The following CEP83 variants were observed in gnomAD, a reference collection of about 807,000 sequenced individuals.
CEP83 encodes the protein centrosomal protein 83.
CEP83 carries 70 observed loss-of-function variants against 101.9 expected under a neutral mutation model. The ratio of observed to expected loss-of-function variants is 0.69; its 90% CI spans 0.57 to 0.84. The LOEUF (loss-of-function observed/expected upper bound fraction) is 0.84, where lower values mean the gene tolerates loss of function less well. Ranked by LOEUF, CEP83 falls within the 40% of genes least tolerant of loss-of-function variation. The pLI is 0.00. For missense variants in CEP83, 715 were observed against 787.2 expected (o/e 0.91, Z 1.10); for synonymous variants, 264 against 267.9 (o/e 0.99, Z 0.14).
chr12:94,268,119 GC>G, the CEP83 span, among the ~76,000 whole-genome samples: 3 of 152,146 alleles, frequency 2.0e-5, no homozygotes, highest in African/African-American at 7.2e-5. Context: ...TGGAAAAAAG[GC>G]CCCCACACTC....
chr12:94,376,032 A>G lies in CEP83; in HGVS notation c.802-15T>C, dbSNP rs1017125059. The G allele has an allele frequency of 3.4e-6, 5 of 1,460,906 alleles. No individual in the cohort carries two copies. The highest frequency in any genetic ancestry group is 4.7e-5 in the Admixed American group (2 of 42,520). 90.5% of individuals were successfully genotyped at this position (1,460,906 alleles called of 1,614,324 possible). On this transcript the variant is annotated splice_polypyrimidine_tract_variant and intron_variant, in intron 7 of 16. Transcript: ENST00000397809. The stretch of plus-strand genomic sequence containing the variant: ...TGTTTTTCAGCCTTTCATACAAACA[A>G]AATAGTTTAAAATTCATCATTTTTC...
At chr12:94,378,588 C>A (rs185846003) in intron 7 of CEP83, among the ~76,000 whole-genome samples, 1 of 152,148 alleles carries the variant, frequency 6.6e-6, no homozygotes. Flanking sequence ...AGAATAAATA[C>A]CCCTTTGTAA....
chr12:94,457,611 AAGG>A (rs1368421851), intron 1 of CEP83, among the ~76,000 whole-genome samples: 5 of 152,212 alleles, frequency 3.3e-5, no homozygotes, highest in Admixed American at 6.5e-5. Flanking sequence ...ATATAGAAAA[AAGG>A]AGGAGAGAAC....
At chr12:94,409,019 G>T (rs915701579) in intron 4 of CEP83, among the ~76,000 whole-genome samples, 3 of 151,636 alleles carry the variant, frequency 2.0e-5, no homozygotes, top group Admixed American at 2.0e-4. Flanking sequence ...AAAAGCCAAA[G>T]AGATGACATT....
At chr12:94,428,610 T>C (rs2065385233) in intron 2 of CEP83, among the ~76,000 whole-genome samples, 1 of 152,214 alleles carries the variant, frequency 6.6e-6, no homozygotes, top group African/African-American at 2.4e-5. Flanking sequence ...ATTTTGAATC[T>C]GTCACAAAGC....
chr12:94,269,113 C>T, the CEP83 span, among the ~76,000 whole-genome samples: 4 of 152,098 alleles, frequency 2.6e-5, no homozygotes, highest in African/African-American at 9.7e-5. Context: ...TCGTAGCAAG[C>T]GTGCTGAATT....
chr12:94,290,580 C>G, the CEP83 span, among the ~76,000 whole-genome samples: 1 of 152,218 alleles, frequency 6.6e-6, no homozygotes, highest in Non-Finnish European at 1.5e-5. Flanking sequence ...CTAAACTTAG[C>G]GGCTGGCTGG....
chr12:94,322,453 T>C (rs2136387201), intron 14 of CEP83, among the ~76,000 whole-genome samples: 1 of 152,264 alleles, frequency 6.6e-6, no homozygotes, highest in South Asian at 2.1e-4. Flanking sequence ...CATAGAGCAG[T>C]TGTGCTGTGA....
chr12:94,413,364 C>T (rs2064031722), intron 2 of CEP83, among the ~76,000 whole-genome samples: 1 of 152,172 alleles, frequency 6.6e-6, no homozygotes, highest in Non-Finnish European at 1.5e-5. Context: ...CTTAAATTCA[C>T]AAACCAGAGT....
intron 1 of CEP83, among the ~76,000 whole-genome samples, chr12:94,445,650 A>T (rs1404183577): frequency 6.6e-6 from 1 of 152,242 alleles, no homozygotes; most frequent in African/African-American, 2.4e-5. Flanking sequence ...GAAAATAAAC[A>T]ATCAAAATTT....
the CEP83 span, chr12:94,282,272 A>T: frequency 6.5e-7 from 1 of 1,544,098 alleles, no homozygotes; most frequent in South Asian, 1.1e-5. Context: ...AAACTCTCTA[A>T]AAAGGAACAA....
Position 94,403,173 on chromosome 12 carries a change from A to C in CEP83, c.414T>G (p.Asp138Glu). 1.4e-6 allele frequency: 2 copies of C among 1,476,006 alleles called. No homozygotes were observed. Among genetic ancestry groups the C allele is most frequent in the South Asian group, 1.1e-5 (1 of 87,238 alleles). The allele number at this position is 1,476,006 out of a possible 1,614,324, so 91.4% of individuals were successfully genotyped here. The part of the protein sequence containing the change: ...TPMRERFRNL[D>E]EEVEKYRAVY... ...GTAAACAACATAAGTTACTTACTTC[A>C]TCTAGATTCCTAAAACGTTCTCTCA... The change falls in exon 5 of 17, where the codon GAT (aspartate) becomes GAG (glutamate). Residue 138 changes from aspartate to glutamate, a missense_variant. Asp to Glu is a conservative substitution (Grantham distance 45, BLOSUM62 2). Coordinates refer to ENST00000397809, the MANE Select transcript of CEP83 (RefSeq NM_016122.3).
chr12:94,397,143 T>C (rs1383136176), intron 6 of CEP83, among the ~76,000 whole-genome samples: 1 of 152,210 alleles, frequency 6.6e-6, no homozygotes, highest in African/African-American at 2.4e-5. Context: ...CTACTAATTA[T>C]GGCTTCTTAA....
intron 14 of CEP83, among the ~76,000 whole-genome samples, chr12:94,329,255 G>A (rs1284847975): frequency 2.0e-5 from 3 of 151,900 alleles, no homozygotes. Context: ...AGTGTTTTGG[G>A]GTTTTTTTGT....
At chr12:94,294,549 TATA>T in the CEP83 span, 1 of 1,170,142 alleles carries the variant, frequency 8.5e-7, no homozygotes, top group South Asian at 1.3e-5. Context: ...AGGTAACCAA[TATA>T]ATATTGTTAA....
At chr12:94,301,542 C>T (rs1314483083), downstream of CEP83, among the ~76,000 whole-genome samples, 1 of 152,150 alleles carries the variant, frequency 6.6e-6, no homozygotes, top group Non-Finnish European at 1.5e-5. Context: ...GTTTTCTTTG[C>T]TGATCAATAG....
intron 1 of CEP83, among the ~76,000 whole-genome samples, chr12:94,437,749 A>G (rs753630032): frequency 6.6e-6 from 1 of 152,220 alleles, no homozygotes; most frequent in Non-Finnish European, 1.5e-5. Context: ...CTCTTGAAAC[A>G]ATCTCAAAAC....
Position 94,400,934 on chromosome 12 carries a change from A to G in CEP83, c.465T>C (p.His155=). Residue 155 remains histidine (H), a synonymous_variant, in exon 6 of 17, where the codon CAT becomes CAC. Transcript: ENST00000397809. Reference sequence around the variant, plus strand: ...GTTCAAATTCTGACTTGAGAAATGTATGTTCATAGCGAAGCTTATTATATA... The same window carrying G: ...GTTCAAATTCTGACTTGAGAAATGTGTGTTCATAGCGAAGCTTATTATATA... ...RAVYNKLRYE[H]TFLKSEFEHQ... 6.6e-7 allele frequency: 1 copy of G among 1,512,658 alleles called. No individual in the cohort carries two copies. Among genetic ancestry groups the G allele is most frequent in the Non-Finnish European group, 8.9e-7 (1 of 1,126,932 alleles). The allele number at this position is 1,512,658 out of a possible 1,614,324, so 93.7% of individuals were successfully genotyped here.
At chr12:94,398,805 G>A (rs2063065114) in intron 6 of CEP83, among the ~76,000 whole-genome samples, 2 of 152,114 alleles carry the variant, frequency 1.3e-5, no homozygotes, top group South Asian at 4.2e-4. Context: ...TTAATACCCT[G>A]GGGAAGGAAT....
Sources: gnomAD v4.1 joint callset for allele counts (sites outside exome capture counted in the v4.1 genomes callset) on GRCh38, gnomAD v4.1.1 for gene constraint, MANE v1.5 for transcripts, NCBI Gene and HGNC (gene_info 2026-07-23, HGNC 2026-07-21) for gene names.